The following ATP8B4 variants were observed in gnomAD, a reference collection of about 807,000 sequenced individuals.
The protein encoded by ATP8B4 is probable phospholipid-transporting ATPase IM.
In ATP8B4, 133 loss-of-function variants were observed where a neutral mutation model predicts 145.6. The observed-to-expected ratio is 0.91, with a 90% CI of 0.79 to 1.05. The LOEUF (loss-of-function observed/expected upper bound fraction) is 1.05, where lower values mean the gene tolerates loss of function less well. Ranked by LOEUF, ATP8B4 falls within the 50% of genes least tolerant of loss-of-function variation. The probability of loss-of-function intolerance (pLI) is 0.00; values close to 1 mark genes in which losing one functional copy is unlikely to be tolerated. For synonymous variants in ATP8B4, 507 were observed against 492.9 expected, an observed-to-expected ratio of 1.03 and a Z score of -0.38; for missense variants, 1,458 against 1,425.2, an observed-to-expected ratio of 1.02 and a Z score of -0.37.
chr15:49,941,578 G>A (rs1028604210), intron 14 of ATP8B4, among the ~76,000 whole-genome samples: 1 of 152,106 alleles, frequency 6.6e-6, no homozygotes, highest in Non-Finnish European at 1.5e-5. Context: ...GGGAAGGCTT[G>A]TACACTGCTG....
At chr15:50,180,878 T>C (rs1475468449) in intron 1 of ATP8B4, among the ~76,000 whole-genome samples, 1 of 151,870 alleles carries the variant, frequency 6.6e-6, no homozygotes, top group Admixed American at 6.6e-5. Flanking sequence ...GGGGGTGGCC[T>C]GGAGGGAATG....
chr15:49,933,334 A>C (rs924739127), intron 15 of ATP8B4, among the ~76,000 whole-genome samples: 1 of 152,116 alleles, frequency 6.6e-6, no homozygotes, highest in African/African-American at 2.4e-5. Context: ...AGGAAGAATT[A>C]GTGGGCTGAG....
rs572994211 is a variant in ATP8B4, at chr15:50,038,707, G to A, written c.362+61C>T. ...TAATTAAAAGAGAAAGCCACCAATC[G>A]TCAAGAGCTGTTTCAGGGTCCTAGA... On this transcript the variant is annotated intron_variant, in intron 6 of 27. Coordinates refer to ENST00000284509, the MANE Select transcript of ATP8B4 (RefSeq NM_024837.4). 169 of 1,293,746 alleles carry A rather than the reference G, an allele frequency of 1.3e-4. 1 individual carries two copies. Among genetic ancestry groups the A allele is most frequent in the East Asian group, 8.0e-4 (34 of 42,424 alleles). The allele number at this position is 1,293,746 out of a possible 1,614,324, so 80.1% of individuals were successfully genotyped here.
intron 6 of ATP8B4, among the ~76,000 whole-genome samples, chr15:50,020,048 T>G (rs1165649603): frequency 6.6e-6 from 1 of 152,016 alleles, no homozygotes; most frequent in Non-Finnish European, 1.5e-5. Flanking sequence ...GCCTTGAATT[T>G]CCAGGCATCA....
intron 1 of ATP8B4, among the ~76,000 whole-genome samples, chr15:50,144,562 A>G (rs376373344): frequency 6.6e-6 from 1 of 152,188 alleles, no homozygotes; most frequent in Non-Finnish European, 1.5e-5. Context: ...CTCACTCACT[A>G]TCTTGAGAAC....
In ATP8B4 at chr15:49,860,181, A is replaced by T; in HGVS notation, c.*13T>A. The T allele has an allele frequency of 6.3e-7, 1 of 1,597,618 alleles. No individual in the cohort carries two copies. Among genetic ancestry groups the T allele is most frequent in the African/African-American group, 1.3e-5 (1 of 74,156 alleles). ...AGTGAAAAGATAACTACGTGGTTTA[A>T]ATTCATATTGACTCACAGTTTCACT... On this transcript the variant is annotated 3_prime_UTR_variant, in exon 28 of 28. Coordinates refer to ENST00000284509, the MANE Select transcript of ATP8B4 (RefSeq NM_024837.4).
Position 49,934,105 on chromosome 15 carries a change from T to G in ATP8B4, c.1365A>C (p.Glu455Asp), listed in dbSNP as rs753385287. The change falls in exon 15 of 28, where the codon GAA (glutamate) becomes GAC (aspartate). Residue 455 changes from glutamate to aspartate, a missense_variant. Glu to Asp is a conservative substitution (Grantham distance 45). Coordinates refer to ENST00000284509, the MANE Select transcript of ATP8B4 (RefSeq NM_024837.4). Reference sequence around the variant, plus strand: ...CTTTGGGATCACCCATTTTAATGGATTCCATCAGATGGTGGTCAAAGAACT... The same window carrying G: ...CTTTGGGATCACCCATTTTAATGGAGTCCATCAGATGGTGGTCAAAGAACT... ...EFQFFDHHLMESIKMGDPKVH... is the reference protein window; with the variant it reads ...EFQFFDHHLMDSIKMGDPKVH... 1.9e-5 allele frequency: 30 copies of G among 1,612,762 alleles called. No individual in the cohort carries two copies. In the South Asian group the frequency reaches 3.3e-4, roughly 18 times the overall value.
intron 16 of ATP8B4, among the ~76,000 whole-genome samples, chr15:49,928,321 G>T (rs1183456265): frequency 2.0e-5 from 3 of 152,138 alleles, no homozygotes; most frequent in Non-Finnish European, 4.4e-5. Flanking sequence ...TACCAGATGA[G>T]TAGTAGGGAA....
At chr15:50,138,143 A>G (rs1270235465) in intron 1 of ATP8B4, among the ~76,000 whole-genome samples, 2 of 152,116 alleles carry the variant, frequency 1.3e-5, no homozygotes, top group Non-Finnish European at 2.9e-5. Flanking sequence ...CAATCTTTCC[A>G]GAAGGCAGCA....
chr15:50,094,990 C>T (rs2153658649), intron 2 of ATP8B4, among the ~76,000 whole-genome samples: 1 of 152,086 alleles, frequency 6.6e-6, no homozygotes, highest in South Asian at 2.1e-4. Flanking sequence ...AAACTGGGTT[C>T]AACCGAACCC....
At chr15:49,928,817 ATATTC>A (rs537350992) in intron 16 of ATP8B4, among the ~76,000 whole-genome samples, 8 of 152,218 alleles carry the variant, frequency 5.3e-5, no homozygotes. Context: ...TGACAATAGA[ATATTC>A]TAGAGATGTT....
intron 7 of ATP8B4, among the ~76,000 whole-genome samples, chr15:50,008,142 C>T (rs892421840): frequency 6.6e-6 from 1 of 152,166 alleles, no homozygotes; most frequent in South Asian, 2.1e-4. Flanking sequence ...TCCCAATACC[C>T]CCACCACAGG....
chr15:50,119,651 C>G (rs1012482767), upstream of ATP8B4, among the ~76,000 whole-genome samples: 2 of 151,686 alleles, frequency 1.3e-5, no homozygotes, highest in African/African-American at 2.4e-5. Context: ...GGCCTACTTA[C>G]CAAACTTTTA....
At chr15:50,096,258 C>G (rs979260437) in intron 2 of ATP8B4, among the ~76,000 whole-genome samples, 1 of 152,210 alleles carries the variant, frequency 6.6e-6, no homozygotes. Context: ...AGAGAATAGC[C>G]GCTCTCCCCT....
chr15:50,118,461 G>A (rs116992130), intron 1 of ATP8B4, among the ~76,000 whole-genome samples: 1,701 of 152,334 alleles, frequency 0.011, 15 homozygotes, highest in Admixed American at 0.017. Flanking sequence ...GGGCACAGGT[G>A]TTGGTAATCC....
rs373701270 is a variant in ATP8B4, at chr15:50,146,246, C to T, written c.-43+36015G>A. On this transcript the variant is annotated intron_variant, in intron 1 of 3. Coordinates refer to the ATP8B4 transcript ENST00000558829. ...CCAGGCTGGTCTTGAACTCTGACCTCGTGATTCACCTGCCTTGGCCTCCCA... is the reference window on the plus strand; with the variant it reads ...CCAGGCTGGTCTTGAACTCTGACCTTGTGATTCACCTGCCTTGGCCTCCCA... Among the ~76,000 whole-genome samples the T allele has an allele frequency of 3.3e-5, 5 of 152,016 alleles. No homozygotes were observed. The East Asian group carries it at 7.7e-4, about 24-fold the overall frequency.
intron 16 of ATP8B4, among the ~76,000 whole-genome samples, chr15:49,925,177 C>G (rs1274209143): frequency 6.6e-6 from 1 of 151,988 alleles, no homozygotes; most frequent in Admixed American, 6.6e-5. Context: ...TTTTATAACA[C>G]TAGTTACTAT....
intron 25 of ATP8B4, among the ~76,000 whole-genome samples, chr15:49,872,228 G>C (rs1347655516): frequency 6.6e-6 from 1 of 152,176 alleles, no homozygotes; most frequent in African/African-American, 2.4e-5. Flanking sequence ...TTGGATCTTA[G>C]TGCTAAACCT....
chr15:49,972,929 G>A (rs2045306527), intron 12 of ATP8B4, 139 bp from the exon 13 acceptor site: 3 of 741,266 alleles, frequency 4.0e-6, no homozygotes, highest in Non-Finnish European at 6.4e-6. Context: ...TAGGTCCCAG[G>A]GATCTTCAGA....
Sources: gnomAD v4.1 joint callset for allele counts (sites outside exome capture counted in the v4.1 genomes callset) on GRCh38, gnomAD v4.1.1 for gene constraint, MANE v1.5 for transcripts, NCBI Gene and HGNC (gene_info 2026-07-23, HGNC 2026-07-21) for gene names.